Variants in AHI1 observed in about 807,000 individuals in gnomAD.
AHI1 encodes the protein jouberin.
AHI1 carries 123 observed loss-of-function variants against 149.3 expected under a neutral mutation model. The ratio of observed to expected loss-of-function variants is 0.82; its 90% CI spans 0.71 to 0.96. The LOEUF is 0.96. Among genes scored for constraint, AHI1 ranks in the 40% least tolerant of loss-of-function variants. The pLI is 0.00. For synonymous variants in AHI1, 475 were observed against 459.8 expected (o/e 1.03, Z -0.42); for missense variants, 1,439 against 1,422.7 (o/e 1.01, Z -0.18).
At chr6:135,431,456 C>A in intron 16 of AHI1, 142 bp from the exon 17 acceptor site, 2 of 463,956 alleles carry the variant, frequency 4.3e-6, no homozygotes, top group East Asian at 3.3e-5. Flanking sequence ...TTAAAAAAGC[C>A]AAAAATCAAA....
At chr6:135,301,137 C>T (rs1783827386) in intron 26 of AHI1, 4 of 984,730 alleles carry the variant, frequency 4.1e-6, no homozygotes, top group South Asian at 9.4e-5. Flanking sequence ...GAAACATTAA[C>T]TTCATATTAA....
chr6:135,318,455 T>C, intron 26 of AHI1, 64 bp downstream of exon 26: 1 of 1,035,274 alleles, frequency 9.7e-7, no homozygotes, highest in Non-Finnish European at 1.5e-6. Context: ...AATAAAGTAA[T>C]ATTTTATCCA....
chr6:135,442,728 G>A lies in AHI1; in HGVS notation c.1780-14C>T, dbSNP rs2757645. 1,450,177 of 1,582,822 alleles carry A rather than the reference G, an allele frequency of 0.92. 669,964 individuals carry two copies. The highest frequency in any genetic ancestry group is 0.97 in the East Asian group (42,842 of 44,340). ...GATACGGCAAGCCTAAAAAACATAC[G>A]TTTAAAAAATATAAATTAGCAAACA... On this transcript the variant is annotated splice_polypyrimidine_tract_variant and intron_variant, in intron 13 of 28. Coordinates refer to ENST00000265602, the MANE Select transcript of AHI1 (RefSeq NM_001134831.2).
chr6:135,324,412 C>T (rs1004042045), intron 24 of AHI1, among the ~76,000 whole-genome samples: 6 of 151,812 alleles, frequency 4.0e-5, no homozygotes, highest in Admixed American at 1.3e-4. Flanking sequence ...ATCTGATACA[C>T]TGTATAAAGT....
At chr6:135,443,114 T>C (rs1193152166) in intron 13 of AHI1, among the ~76,000 whole-genome samples, 2 of 152,206 alleles carry the variant, frequency 1.3e-5, no homozygotes, top group Admixed American at 1.3e-4. Flanking sequence ...CAAGTACCTA[T>C]GGGGCCTAGC....
chr6:135,494,650 G>A (rs933787191), intron 3 of AHI1, among the ~76,000 whole-genome samples: 1 of 152,138 alleles, frequency 6.6e-6, no homozygotes, highest in Non-Finnish European at 1.5e-5. Context: ...GTGTGTTTAC[G>A]TATATAATCA....
At chr6:135,381,563 G>A (rs565324006) in intron 23 of AHI1, among the ~76,000 whole-genome samples, 9 of 152,208 alleles carry the variant, frequency 5.9e-5, no homozygotes, top group Non-Finnish European at 1.0e-4. Flanking sequence ...GGCCAGCAAC[G>A]AAATCCAGAT....
intron 14 of AHI1, among the ~76,000 whole-genome samples, chr6:135,440,081 C>T (rs1786041202): frequency 6.6e-6 from 1 of 152,146 alleles, no homozygotes; most frequent in Non-Finnish European, 1.5e-5. Context: ...GTTCTCATTC[C>T]TGTCTCAAAC....
At chr6:135,427,790 T>C (rs1022749638) in intron 19 of AHI1, among the ~76,000 whole-genome samples, 1 of 151,328 alleles carries the variant, frequency 6.6e-6, no homozygotes, top group African/African-American at 2.4e-5. Context: ...TACCTATGAC[T>C]ATGGCCTAAA....
intron 24 of AHI1, among the ~76,000 whole-genome samples, chr6:135,353,434 A>G (rs913800450): frequency 1.2e-4 from 19 of 152,160 alleles, no homozygotes; most frequent in African/African-American, 4.6e-4. Flanking sequence ...TGTAGAAAAT[A>G]AAGTGCTTCC....
At chr6:135,396,382 T>C (rs1293003610) in intron 22 of AHI1, among the ~76,000 whole-genome samples, 2 of 151,760 alleles carry the variant, frequency 1.3e-5, no homozygotes, top group African/African-American at 4.8e-5. Flanking sequence ...TATACTTCAA[T>C]GCGAATGTGC....
chr6:135,408,607 A>G (rs1279777005), intron 21 of AHI1, among the ~76,000 whole-genome samples: 1 of 152,194 alleles, frequency 6.6e-6, no homozygotes, highest in Non-Finnish European at 1.5e-5. Context: ...AACTTTAGAA[A>G]GAAGAGAGAG....
At chr6:135,415,245 C>G (rs1240120460) in intron 20 of AHI1, among the ~76,000 whole-genome samples, 1 of 151,844 alleles carries the variant, frequency 6.6e-6, no homozygotes, top group South Asian at 2.1e-4. Flanking sequence ...CCAAGTCTTT[C>G]CTATTGTGAA....
intron 24 of AHI1, among the ~76,000 whole-genome samples, chr6:135,330,629 G>A (rs1788425844): frequency 1.3e-5 from 2 of 152,192 alleles, no homozygotes; most frequent in South Asian, 2.1e-4. Context: ...TTCAAGGTAT[G>A]ACTGTACAGA....
intron 23 of AHI1, among the ~76,000 whole-genome samples, chr6:135,386,311 T>G (rs1365495302): frequency 7.0e-6 from 1 of 143,704 alleles, no homozygotes; most frequent in African/African-American, 2.7e-5. Flanking sequence ...AAGTGTTTTG[T>G]TTTTTTTTTT....
intron 22 of AHI1, among the ~76,000 whole-genome samples, chr6:135,397,127 G>A (rs1427620442): frequency 1.3e-5 from 2 of 151,802 alleles, no homozygotes; most frequent in African/African-American, 2.4e-5. Flanking sequence ...GAGCAGCAAC[G>A]TAACAGAGCA....
chr6:135,466,038 C>G lies in AHI1; in HGVS notation c.525G>C (p.Glu175Asp). Reference sequence around the variant, plus strand: ...CTTCTAAATCAGTCTCTTCTCTTCCCTCATTTGCCTTCTCACTTTTCTGAT... The same window carrying G: ...CTTCTAAATCAGTCTCTTCTCTTCCGTCATTTGCCTTCTCACTTTTCTGAT... Reference protein sequence around the residue: ...VDHQKSEKANEGREETDLEED... With the variant: ...VDHQKSEKANDGREETDLEED... The change falls in exon 7 of 29, where the codon GAG (glutamate) becomes GAC (aspartate). Residue 175 changes from glutamate (E) to aspartate (D), a missense_variant. Transcript: ENST00000265602. 6.2e-7 allele frequency: 1 copy of G among 1,613,972 alleles called. No individual in the cohort carries two copies. The highest frequency in any genetic ancestry group is 1.3e-5 in the African/African-American group (1 of 75,046).
intron 8 of AHI1, among the ~76,000 whole-genome samples, chr6:135,458,144 G>A (rs941748465): frequency 6.6e-6 from 1 of 151,980 alleles, no homozygotes; most frequent in Admixed American, 6.6e-5. Context: ...AATTTTAAAG[G>A]CATCAGAAAA....
chr6:135,363,783 C>T (rs1192644163), intron 23 of AHI1, among the ~76,000 whole-genome samples: 91 of 149,298 alleles, frequency 6.1e-4, no homozygotes, highest in Non-Finnish European at 1.1e-3. Context: ...CCCCCACCTC[C>T]CTCCGGGACG....
Sources: allele counts gnomAD v4.1 joint callset (sites outside exome capture counted in the v4.1 genomes callset), GRCh38; gene constraint gnomAD v4.1.1; transcripts MANE v1.5; gene names NCBI Gene and HGNC (gene_info 2026-07-23, HGNC 2026-07-21).